The following PCBP3 variants were observed in gnomAD, a reference collection of about 807,000 sequenced individuals.
PCBP3 encodes the protein poly(rC) binding protein 3, also known as poly(rC)-binding protein 3.
Under a neutral mutation model 52.7 loss-of-function variants are expected in PCBP3, and 25 were observed. The observed-to-expected ratio is 0.47, with a 90% CI of 0.35 to 0.66. The LOEUF is 0.66. PCBP3 is among the 30% of genes least tolerant of loss of function. The pLI is 0.01. For missense variants in PCBP3, 391 were observed against 490.3 expected (o/e 0.80, Z 1.91); for synonymous variants, 162 against 183.0 (o/e 0.89, Z 0.93).
At position 45,830,596 on chromosome 21, in the gene PCBP3, G is replaced by C. The variant is rs2034946491; in HGVS notation, c.-125-19365G>C. The C allele has an allele frequency of 6.6e-6, 1 of 152,366 alleles. No individual in the cohort carries two copies. Among genetic ancestry groups the C allele is most frequent in the Non-Finnish European group, 1.5e-5 (1 of 68,150 alleles). 9.4% of individuals were successfully genotyped at this position (152,366 alleles called of 1,614,324 possible). A position where few individuals can be genotyped will look rare whatever the true frequency, so the allele number is the denominator to read the frequency against. On this transcript the variant is annotated intron_variant, in intron 4 of 17. Transcript: ENST00000681687. This position sits in a 1 kb window ranked among gnomAD's most constrained non-coding sequence, Gnocchi z 4.4. ...GCGCAGCACCTGGCTCTGGAGGCCAGTGAAGGGAGGGAAGAAAGCCTGGAC... is the reference window on the plus strand; with the variant it reads ...GCGCAGCACCTGGCTCTGGAGGCCACTGAAGGGAGGGAAGAAAGCCTGGAC...
intron 4 of PCBP3, among the ~76,000 whole-genome samples, chr21:45,785,581 T>C (rs2091082855): frequency 6.9e-6 from 1 of 144,750 alleles, no homozygotes; most frequent in African/African-American, 2.6e-5. Flanking sequence ...CGGCCGCCCC[T>C]ACTGGGAAGT....
intron 5 of PCBP3, 62 bp downstream of exon 5, chr21:45,850,157 A>C: frequency 7.4e-7 from 1 of 1,342,710 alleles, no homozygotes; most frequent in South Asian, 1.3e-5. Context: ...TAACAAAGTC[A>C]GACTTACCCT....
chr21:45,810,245 TGA>T (rs775748895), intron 4 of PCBP3, among the ~76,000 whole-genome samples: 84 of 149,694 alleles, frequency 5.6e-4, no homozygotes, highest in East Asian at 2.1e-3. Flanking sequence ...TGTGTGTGTG[TGA>T]GAGAGTGTGT....
intron 11 of PCBP3, among the ~76,000 whole-genome samples, chr21:45,912,737 A>G (rs1448104085): frequency 1.3e-5 from 2 of 152,166 alleles, no homozygotes; most frequent in African/African-American, 2.4e-5. Context: ...CCCATAGCAC[A>G]GGGGCACTGG....
intron 2 of PCBP3, 146 bp downstream of exon 2, chr21:45,669,098 T>C (rs2080985269): frequency 6.6e-6 from 1 of 152,234 alleles, no homozygotes; most frequent in Non-Finnish European, 1.5e-5. Flanking sequence ...ACTGCCATTT[T>C]CTTCAGCTAT....
chr21:45,842,861 C>T (rs12481970), intron 4 of PCBP3, among the ~76,000 whole-genome samples: 25,138 of 152,090 alleles, frequency 0.17, 2,296 homozygotes, highest in Middle Eastern at 0.28. Context: ...GTGCTGTGTG[C>T]GTCCTGTCCT....
At chr21:45,699,444 A>G (rs955064433) in intron 2 of PCBP3, among the ~76,000 whole-genome samples, 1 of 152,320 alleles carries the variant, frequency 6.6e-6, no homozygotes, top group Admixed American at 6.5e-5. Flanking sequence ...CCTGTTTGTT[A>G]CTAACAGCAA....
chr21:45,877,683 G>A (rs889126345), intron 5 of PCBP3, among the ~76,000 whole-genome samples: 2 of 152,188 alleles, frequency 1.3e-5, no homozygotes, highest in African/African-American at 4.8e-5. Flanking sequence ...TGGCACGCCT[G>A]TAGTCCCAGC....
At chr21:45,789,095 C>A (rs769267114) in intron 4 of PCBP3, among the ~76,000 whole-genome samples, 14 of 152,216 alleles carry the variant, frequency 9.2e-5, no homozygotes, top group Non-Finnish European at 1.5e-4. Context: ...GTGTGTACTT[C>A]ATACCTGAGA....
chr21:45,679,011 C>A (rs910014482), intron 2 of PCBP3, among the ~76,000 whole-genome samples: 1 of 151,910 alleles, frequency 6.6e-6, no homozygotes, highest in South Asian at 2.1e-4. Context: ...CAGCAGCCAC[C>A]AACATCCAGG....
chr21:45,768,829 G>A (rs556406567), intron 4 of PCBP3, among the ~76,000 whole-genome samples: 1 of 152,352 alleles, frequency 6.6e-6, no homozygotes, highest in Admixed American at 6.5e-5. Flanking sequence ...CTGTGAGCAG[G>A]GAGCCAGGCA....
rs1321746868 is a variant in PCBP3 at position 45,898,581 on chromosome 21, CT to C, written c.166-1017del. On this transcript the variant is annotated intron_variant, in intron 6 of 17. Coordinates refer to ENST00000681687, the MANE Select transcript of PCBP3 (RefSeq NM_001384156.1). Reference sequence around the variant, plus strand: ...TCCCTCTACACGCCATCCTCACAGCCTCCCTCTCCCTCCACGGGCCCCTCTA... The same window carrying C: ...TCCCTCTACACGCCATCCTCACAGCCCCCTCTCCCTCCACGGGCCCCTCTA... Among the ~76,000 whole-genome samples, 47 of 76,914 alleles carry C rather than the reference CT, an allele frequency of 6.1e-4. 9 individuals are homozygous for C. In the East Asian group the frequency reaches 7.1e-3, roughly 12 times the overall value. 50.5% of individuals were successfully genotyped at this position (76,914 alleles called of 152,430 possible).
intron 3 of PCBP3, chr21:45,749,690 C>T (rs1179201336): frequency 6.6e-6 from 1 of 152,256 alleles, no homozygotes; most frequent in Non-Finnish European, 1.5e-5. Context: ...GTGGATGCTG[C>T]TAGACATTGG....
rs1260039777 is a variant in PCBP3, at chr21:45,913,939, C to T, written c.601-12C>T. 6.2e-7 allele frequency: 1 copy of T among 1,607,732 alleles called. No individual in the cohort carries two copies. On this transcript the variant is annotated splice_polypyrimidine_tract_variant and intron_variant, in intron 11 of 17. Transcript: ENST00000681687. ...CTAACGCTCTCTCTCCCTCTCCTGT[C>T]CCTTTTCCTAGTCCCCACCGAAAGG...
chr21:45,937,432 C>T (rs1053069677), intron 16 of PCBP3, among the ~76,000 whole-genome samples: 8 of 152,326 alleles, frequency 5.3e-5, no homozygotes, highest in African/African-American at 1.7e-4. Flanking sequence ...CACCAAGGCT[C>T]ATGCCCCTTT....
At chr21:45,678,935 G>A (rs2081641473) in intron 2 of PCBP3, among the ~76,000 whole-genome samples, 1 of 152,040 alleles carries the variant, frequency 6.6e-6, no homozygotes, top group South Asian at 2.1e-4. Context: ...GCAAACTTTA[G>A]TGTTGTCTTA....
intron 5 of PCBP3, chr21:45,893,948 AGC>A (rs1428244763): frequency 2.0e-6 from 2 of 985,380 alleles, no homozygotes; most frequent in Non-Finnish European, 2.4e-6. Flanking sequence ...GGCCAGTGTT[AGC>A]TGGGAAGGAC....
intron 1 of PCBP3, among the ~76,000 whole-genome samples, chr21:45,663,150 C>T (rs937111709): frequency 2.1e-5 from 2 of 96,034 alleles, no homozygotes; most frequent in African/African-American, 8.0e-5. Flanking sequence ...GAAATAATGG[C>T]GTAAGCTGTC....
chr21:45,843,667 A>G lies in PCBP3; in HGVS notation c.-125-6294A>G, dbSNP rs1406239338. Among the ~76,000 whole-genome samples the G allele has an allele frequency of 8.5e-5, 13 of 152,304 alleles. No homozygotes were observed. The South Asian group carries it at 2.5e-3, about 29-fold the overall frequency. On this transcript the variant is annotated intron_variant, in intron 4 of 17. Transcript: ENST00000681687. ...AAACATTTAAAAAGTGTTTTGTCCAAGGGAATTGTAAAGTTATCTTTTGCT... is the reference window on the plus strand; with the variant it reads ...AAACATTTAAAAAGTGTTTTGTCCAGGGGAATTGTAAAGTTATCTTTTGCT...
Sources: allele counts gnomAD v4.1 joint callset (sites outside exome capture counted in the v4.1 genomes callset), GRCh38; gene constraint gnomAD v4.1.1; non-coding constraint Gnocchi (gnomAD v3.1); transcripts MANE v1.5; gene names NCBI Gene and HGNC (gene_info 2026-07-23, HGNC 2026-07-21).